The following TDP1 variants were observed in gnomAD, a reference collection of about 807,000 sequenced individuals.
The protein encoded by TDP1 is tyrosyl-DNA phosphodiesterase 1.
TDP1 carries 64 observed loss-of-function variants against 81.5 expected under a neutral mutation model. The observed-to-expected ratio is 0.79, with a 90% CI of 0.64 to 0.97. The LOEUF (loss-of-function observed/expected upper bound fraction) is 0.97, where lower values mean the gene tolerates loss of function less well. TDP1 is among the 50% of genes least tolerant of loss of function. The pLI, the probability that TDP1 is intolerant of heterozygous loss-of-function variation, is 0.00. For missense variants in TDP1, 723 were observed against 743.8 expected (o/e 0.97, Z 0.33); for synonymous variants, 256 against 264.3 (o/e 0.97, Z 0.30).
intron 10 of TDP1, among the ~76,000 whole-genome samples, chr14:89,988,344 G>A (rs1895799712): frequency 6.6e-6 from 1 of 152,144 alleles, no homozygotes; most frequent in African/African-American, 2.4e-5. Context: ...AGGATGGGGG[G>A]TTGTGCCAAA....
At chr14:89,957,871 G>A (rs553911150) in intron 2 of TDP1, among the ~76,000 whole-genome samples, 1 of 152,350 alleles carries the variant, frequency 6.6e-6, no homozygotes, top group East Asian at 1.9e-4. Context: ...GCCAGCTGGA[G>A]ACCTCCAGCC....
chr14:89,985,236 A>G lies in TDP1; in HGVS notation c.1131+26A>G, dbSNP rs1402506928. On this transcript the variant is annotated intron_variant, in intron 10 of 16. Coordinates refer to ENST00000335725, the MANE Select transcript of TDP1 (RefSeq NM_018319.4). Reference sequence around the variant, plus strand: ...GTAACAGAACTTTTACTATTTTAACATTTTTAAAAAATTTAATGTATATTC... The same window carrying G: ...GTAACAGAACTTTTACTATTTTAACGTTTTTAAAAAATTTAATGTATATTC... The G allele has an allele frequency of 4.2e-6, 6 of 1,414,374 alleles. No individual in the cohort carries two copies. In the African/African-American group the frequency reaches 7.2e-5, roughly 17 times the overall value. The allele number at this position is 1,414,374 out of a possible 1,614,324, so 87.6% of individuals were successfully genotyped here.
chr14:89,974,928 A>G (rs1017209186), intron 6 of TDP1, among the ~76,000 whole-genome samples: 1 of 152,274 alleles, frequency 6.6e-6, no homozygotes, highest in Non-Finnish European at 1.5e-5. Context: ...TTCTATATAC[A>G]TACCCTCCAT....
chr14:89,984,477 T>C, intron 8 of TDP1, 39 bp from the exon 9 acceptor site: 2 of 1,613,416 alleles, frequency 1.2e-6, no homozygotes, highest in Non-Finnish European at 1.7e-6. Flanking sequence ...TATGATCAGT[T>C]GTGTGCCTGA....
chr14:89,983,167 A>T (rs767771467), intron 8 of TDP1: 10 of 455,678 alleles, frequency 2.2e-5, no homozygotes, highest in Non-Finnish European at 4.0e-5. Flanking sequence ...CAGCCTGGGA[A>T]CTTTGAGGTG....
At chr14:90,027,350 GT>G (rs1340487437) in intron 15 of TDP1, among the ~76,000 whole-genome samples, 1 of 151,824 alleles carries the variant, frequency 6.6e-6, no homozygotes, top group Non-Finnish European at 1.5e-5. Context: ...ACATGTCAGG[GT>G]CTGTGTTCCT....
In TDP1 at chr14:90,011,855, A is replaced by G. The variant is rs115021184; in HGVS notation, c.1542-7461A>G. Among the ~76,000 whole-genome samples the G allele has an allele frequency of 3.6e-3, 549 of 152,390 alleles. 1 individual carries two copies. The highest frequency in any genetic ancestry group is 0.013 in the African/African-American group (525 of 41,596). On this transcript the variant is annotated intron_variant, in intron 14 of 16. Coordinates refer to ENST00000335725, the MANE Select transcript of TDP1 (RefSeq NM_018319.4). Reference sequence around the variant, plus strand: ...GGAAAATCTGCAACCTGACAATGCAATAGAAAAGAAAAACCCATGTTCTGA... The same window carrying G: ...GGAAAATCTGCAACCTGACAATGCAGTAGAAAAGAAAAACCCATGTTCTGA...
At chr14:90,017,602 T>C (rs147494822) in intron 14 of TDP1, among the ~76,000 whole-genome samples, 38 of 152,260 alleles carry the variant, frequency 2.5e-4, no homozygotes, top group Middle Eastern at 6.8e-3. Flanking sequence ...AGAACAGCCT[T>C]CCAGAAGATA....
intron 15 of TDP1, chr14:90,023,097 AG>A: frequency 2.6e-6 from 2 of 761,068 alleles, no homozygotes. Context: ...GGATAAGCTG[AG>A]GAAACAGACA....
intron 14 of TDP1, among the ~76,000 whole-genome samples, chr14:90,003,727 C>G (rs1197920923): frequency 6.6e-6 from 1 of 152,126 alleles, no homozygotes; most frequent in Admixed American, 6.5e-5. Context: ...ACAGGCAATG[C>G]GGATAGTCAG....
At chr14:89,989,917 C>T (rs891218879) in intron 12 of TDP1, 152 bp downstream of exon 12, 10 of 705,624 alleles carry the variant, frequency 1.4e-5, no homozygotes, top group Non-Finnish European at 2.3e-5. Flanking sequence ...CTCTGCATTC[C>T]GCAGATGATA....
intron 16 of TDP1, among the ~76,000 whole-genome samples, chr14:90,038,807 C>T (rs1424822865): frequency 6.6e-6 from 1 of 151,490 alleles, no homozygotes; most frequent in Non-Finnish European, 1.5e-5. Flanking sequence ...CACTGCACTT[C>T]AGCCCGGGTG....
At chr14:89,958,914 C>G (rs1015470020) in intron 2 of TDP1, among the ~76,000 whole-genome samples, 8 of 152,228 alleles carry the variant, frequency 5.3e-5, no homozygotes, top group Admixed American at 5.2e-4. Flanking sequence ...TTTGCTATTT[C>G]AAATATAACG....
At chr14:89,981,676 A>G (rs1386094439) in intron 8 of TDP1, 7 of 293,540 alleles carry the variant, frequency 2.4e-5, no homozygotes, top group East Asian at 2.1e-4. Flanking sequence ...TGCTGAGCCC[A>G]GGTTACATCT....
intron 14 of TDP1, among the ~76,000 whole-genome samples, chr14:90,003,237 T>C (rs1566896900): frequency 6.6e-6 from 1 of 152,220 alleles, no homozygotes; most frequent in African/African-American, 2.4e-5. Flanking sequence ...CGCCCAGCCA[T>C]ATGTGGTTAA....
At chr14:90,021,867 G>A (rs1305602577) in intron 15 of TDP1, among the ~76,000 whole-genome samples, 1 of 152,092 alleles carries the variant, frequency 6.6e-6, no homozygotes, top group Non-Finnish European at 1.5e-5. Flanking sequence ...GATTTTCCAA[G>A]AGTTTGTTAG....
intron 16 of TDP1, 45 bp downstream of exon 16, chr14:90,033,259 AAAAC>A: frequency 9.0e-7 from 1 of 1,108,558 alleles, no homozygotes; most frequent in Non-Finnish European, 1.4e-6. Flanking sequence ...ATGCATAAGA[AAAAC>A]AAACAGAGCC....
At chr14:89,991,289 T>G (rs753955350) in intron 12 of TDP1, among the ~76,000 whole-genome samples, 2 of 152,176 alleles carry the variant, frequency 1.3e-5, no homozygotes, top group African/African-American at 4.8e-5. Context: ...ATTTTTTGTT[T>G]TCAAAGTGTA....
At chr14:90,024,486 G>A (rs1886429292) in intron 15 of TDP1, among the ~76,000 whole-genome samples, 1 of 152,202 alleles carries the variant, frequency 6.6e-6, no homozygotes, top group South Asian at 2.1e-4. Context: ...CTAAGTGTCT[G>A]TTAGTTGAAG....
Sources: gnomAD v4.1 joint callset for allele counts (sites outside exome capture counted in the v4.1 genomes callset) on GRCh38, gnomAD v4.1.1 for gene constraint, MANE v1.5 for transcripts, NCBI Gene and HGNC (gene_info 2026-07-23, HGNC 2026-07-21) for gene names.